Variants in RBM27 observed in about 807,000 individuals in gnomAD.
RBM27 encodes the protein RNA binding motif protein 27.
A neutral mutation model predicts 135.3 loss-of-function variants in RBM27; 22 were observed. The observed-to-expected ratio is 0.16, with a 90% confidence interval of 0.12 to 0.23. RBM27 has a LOEUF of 0.23. Ranked by LOEUF, RBM27 falls within the 10% of genes least tolerant of loss-of-function variation. The probability of loss-of-function intolerance (pLI) is 1.00; values close to 1 mark genes in which losing one functional copy is unlikely to be tolerated. For missense variants in RBM27, 1,009 were observed against 1,281.0 expected, an observed-to-expected ratio of 0.79 and a Z score of 3.24; for synonymous variants, 481 against 442.4, an observed-to-expected ratio of 1.09 and a Z score of -1.10.
chr5:146,239,620 G>C (rs6886046), intron 8 of RBM27, among the ~76,000 whole-genome samples: 4,314 of 151,492 alleles, frequency 0.028, 203 homozygotes, highest in African/African-American at 0.099. Context: ...TGGGATTACA[G>C]GCATGTATCA....
At chr5:146,270,409 TATA>T (rs1372336798) in intron 17 of RBM27, among the ~76,000 whole-genome samples, 3 of 152,306 alleles carry the variant, frequency 2.0e-5, no homozygotes, top group South Asian at 2.1e-4. Flanking sequence ...TTCTTAAAGA[TATA>T]ATAAAAATGT....
chr5:146,228,295 T>G (rs1173672427), intron 3 of RBM27, among the ~76,000 whole-genome samples: 2 of 149,996 alleles, frequency 1.3e-5, no homozygotes, highest in East Asian at 1.9e-4. Flanking sequence ...TTTTTTTTTT[T>G]TTTTTTTGAG....
rs147955796 is a variant in RBM27, at chr5:146,223,397, C to T, written c.179-6C>T. ...GCAATATGTAAATGTTATTTCTTCT[C>T]CTTAGAAACTTCAGGTTTTGTGGAC... On this transcript the variant is annotated splice_region_variant and splice_polypyrimidine_tract_variant and intron_variant, in intron 2 of 20. Transcript: ENST00000265271. 3.4e-4 allele frequency: 529 copies of T among 1,576,636 alleles called. 2 individuals are homozygous for T. The East Asian group carries it at 0.01, about 30-fold the overall frequency.
Position 146,219,120 on chromosome 5 carries a change from T to C in RBM27, c.178+17T>C, listed in dbSNP as rs774652067. On this transcript the variant is annotated intron_variant, in intron 2 of 20. Transcript: ENST00000265271. ...TACAAAAAGGTAATTATTATGGGCCTTCAATCGAGTATTGAAGTAAAGATT... is the reference window on the plus strand; with the variant it reads ...TACAAAAAGGTAATTATTATGGGCCCTCAATCGAGTATTGAAGTAAAGATT... The C allele has an allele frequency of 2.7e-6, 4 of 1,485,902 alleles. No individual in the cohort carries two copies. In the East Asian group the frequency reaches 9.1e-5, roughly 34 times the overall value. 92.0% of individuals were successfully genotyped at this position (1,485,902 alleles called of 1,614,324 possible).
intron 8 of RBM27, among the ~76,000 whole-genome samples, chr5:146,240,686 C>T (rs1028275224): frequency 6.6e-6 from 1 of 152,072 alleles, no homozygotes; most frequent in Non-Finnish European, 1.5e-5. Context: ...ATGACATATA[C>T]TTATATATAG....
Position 146,229,776 on chromosome 5 carries a change from G to C in RBM27, c.455G>C (p.Arg152Pro). Residue 152 changes from arginine to proline, a missense_variant, in exon 5 of 21, where the codon CGG (arginine) becomes CCG (proline). This residue lies in a region of RBM27 where 268 missense variants were observed against 326.6 expected (regional missense o/e 0.82). Coordinates refer to ENST00000265271, the MANE Select transcript of RBM27 (RefSeq NM_018989.2). The part of the protein sequence containing the change: ...KWRDYDRYYE[R>P]NELYREKYDW... ...AGAGACTATGACCGGTACTATGAGCGGAATGAATTGTACCGTGAGAAGTAT... is the reference window on the plus strand; with the variant it reads ...AGAGACTATGACCGGTACTATGAGCCGAATGAATTGTACCGTGAGAAGTAT... The C allele has an allele frequency of 1.9e-6, 3 of 1,612,808 alleles. No homozygotes were observed. The highest frequency in any genetic ancestry group is 2.5e-6 in the Non-Finnish European group (3 of 1,179,054).
chr5:146,260,363 A>G (rs1018684641), intron 11 of RBM27, among the ~76,000 whole-genome samples: 7 of 152,172 alleles, frequency 4.6e-5, no homozygotes, highest in African/African-American at 7.2e-5. Context: ...AGGGCTCACA[A>G]AAGGAACTTT....
chr5:146,224,319 A>G (rs1756575642), intron 3 of RBM27, among the ~76,000 whole-genome samples: 1 of 152,194 alleles, frequency 6.6e-6, no homozygotes, highest in South Asian at 2.1e-4. Context: ...ATTTCCCAGT[A>G]TTTATTTTTA....
At chr5:146,220,218 C>T (rs1322041391) in intron 2 of RBM27, among the ~76,000 whole-genome samples, 1 of 152,136 alleles carries the variant, frequency 6.6e-6, no homozygotes, top group Non-Finnish European at 1.5e-5. Context: ...TGGCTTACGC[C>T]TGTAATCCCA....
chr5:146,271,494 A>T lies in RBM27; in HGVS notation c.2808A>T (p.Leu936Phe). ...LSQLQVEAAR[L>F]GILPVGRGKT... Reference sequence around the variant, plus strand: ...TTGTTGTTATTCAGGCTGCACGGTTAGGTATTTTACCTGTGGGTCGAGGAA... The same window carrying T: ...TTGTTGTTATTCAGGCTGCACGGTTTGGTATTTTACCTGTGGGTCGAGGAA... The change falls in exon 19 of 21, where the codon TTA (leucine) becomes TTT (phenylalanine). Residue 936 changes from leucine to phenylalanine, a missense_variant. Transcript: ENST00000265271. 6.2e-7 allele frequency: 1 copy of T among 1,611,076 alleles called. No individual in the cohort carries two copies. Among genetic ancestry groups the T allele is most frequent in the Non-Finnish European group, 8.5e-7 (1 of 1,177,542 alleles).
intron 10 of RBM27, among the ~76,000 whole-genome samples, chr5:146,257,085 A>G (rs1758136166): frequency 6.6e-6 from 1 of 152,206 alleles, no homozygotes; most frequent in Non-Finnish European, 1.5e-5. Flanking sequence ...ATGTATACCC[A>G]AGGTCTGCTA....
At chr5:146,244,319 T>G (rs1461664023) in intron 8 of RBM27, among the ~76,000 whole-genome samples, 1 of 152,156 alleles carries the variant, frequency 6.6e-6, no homozygotes, top group Non-Finnish European at 1.5e-5. Flanking sequence ...ACCATTATAC[T>G]CTAGCCTGGA....
At chr5:146,208,427 C>T (rs1360261128) in intron 1 of RBM27, among the ~76,000 whole-genome samples, 1 of 152,180 alleles carries the variant, frequency 6.6e-6, no homozygotes, top group East Asian at 1.9e-4. Flanking sequence ...GAAGAAATGA[C>T]TCCTTAACTG....
In RBM27 at chr5:146,223,515, A is replaced by T; in HGVS notation, c.291A>T (p.Glu97Asp). ...EPKPLVQEKEEIKEEVFQEPA... is the reference protein window; with the variant it reads ...EPKPLVQEKEDIKEEVFQEPA... ...AACCACTAGTCCAAGAAAAAGAAGA[A>T]ATTAAAGAAGAGGTAATGCAAATTT... The change falls in exon 3 of 21, where the codon GAA becomes GAT. Residue 97 changes from glutamate (E) to aspartate (D), a missense_variant. Coordinates refer to ENST00000265271, the MANE Select transcript of RBM27 (RefSeq NM_018989.2). 2 of 1,603,584 alleles carry T rather than the reference A, an allele frequency of 1.2e-6. No homozygotes were observed. The highest frequency in any genetic ancestry group is 1.7e-6 in the Non-Finnish European group (2 of 1,177,190).
rs1758870105 is a variant in RBM27, at chr5:146,271,642, G to A, written c.2956G>A (p.Glu986Lys). The A allele has an allele frequency of 6.2e-7, 1 of 1,612,658 alleles. No individual in the cohort carries two copies. The highest frequency in any genetic ancestry group is 8.5e-7 in the Non-Finnish European group (1 of 1,179,464). Residue 986 changes from glutamate to lysine, a missense_variant, in exon 19 of 21, where the codon GAA (glutamate) becomes AAA (lysine). Around this residue, in one of 6 missense-constraint regions of RBM27, gnomAD observed 355 missense variants for 427.3 expected, o/e 0.83. Transcript: ENST00000265271. ...ACTAACAGTTGGAGGATTCATTGAG[G>A]AAGAAAAAGAAGACTTGCTTCAGCA... ...KALTVGGFIE[E>K]EKEDLLQHFS...
At chr5:146,267,155 T>C (rs1758650743) in intron 14 of RBM27, among the ~76,000 whole-genome samples, 1 of 152,158 alleles carries the variant, frequency 6.6e-6, no homozygotes, top group Non-Finnish European at 1.5e-5. Flanking sequence ...TATTTTAGGA[T>C]TTTGGCTAAG....
chr5:146,257,472 A>G (rs1758153346), intron 10 of RBM27, among the ~76,000 whole-genome samples: 1 of 152,206 alleles, frequency 6.6e-6, no homozygotes, highest in Non-Finnish European at 1.5e-5. Context: ...ATTTAGATTC[A>G]CCAGTAATAT....
chr5:146,218,134 A>G (rs17429089), intron 1 of RBM27, among the ~76,000 whole-genome samples: 3,014 of 146,388 alleles, frequency 0.021, 43 homozygotes, highest in Non-Finnish European at 0.031. Flanking sequence ...GAAGCCTAGA[A>G]TATTTTATAT....
At chr5:146,282,555 A>G (rs1759408779) in intron 19 of RBM27, among the ~76,000 whole-genome samples, 1 of 152,246 alleles carries the variant, frequency 6.6e-6, no homozygotes, top group Non-Finnish European at 1.5e-5. Context: ...CCTAAACAAT[A>G]CAGTATAACA....
Sources: gnomAD v4.1 joint callset for allele counts (sites outside exome capture counted in the v4.1 genomes callset) on GRCh38, gnomAD v4.1.1 for gene constraint, gnomAD v4.1.1 regional missense constraint, MANE v1.5 for transcripts, NCBI Gene and HGNC (gene_info 2026-07-23, HGNC 2026-07-21) for gene names.